MYO15B: variants seen among roughly 807,000 people sequenced by gnomAD.
The protein encoded by MYO15B is myosin XVB, also known as myosin XVB pseudogene.
In MYO15B, 207 loss-of-function variants were observed where a neutral mutation model predicts 119.3. That is an observed-to-expected ratio of 1.73 (90% CI 1.55 to 1.95). The LOEUF (loss-of-function observed/expected upper bound fraction) is 1.95. MYO15B is among the 30% of genes most tolerant of loss of function. MYO15B has a pLI of 0.00. For missense variants in MYO15B, 2,264 were observed against 1,203.1 expected (o/e 1.88, Z -13.04); for synonymous variants, 966 against 498.9 (o/e 1.94, Z -12.48).
At chr17:75,597,668 T>TAATCCCAGA (rs1198515561) in intron 14 of MYO15B, among the ~76,000 whole-genome samples, 3 of 152,204 alleles carry the variant, frequency 2.0e-5, no homozygotes, top group African/African-American at 7.2e-5. Flanking sequence ...CTCACGCCTG[T>TAATCCCAGA]AATCCCAGAA....
intron 12 of MYO15B, 133 bp from the exon 13 acceptor site, chr17:75,596,327 C>T: frequency 1.6e-6 from 1 of 622,268 alleles, no homozygotes; most frequent in East Asian, 2.7e-5. Context: ...ATCCTTTAGA[C>T]TTGACCCTGT....
chr17:75,600,604 A>C (rs2057205214), intron 14 of MYO15B: 1 of 32,488 alleles, frequency 3.1e-5, no homozygotes, highest in African/African-American at 6.9e-5. Context: ...TTTTTTTTTG[A>C]GACGGAGTTT....
intron 21 of MYO15B, among the ~76,000 whole-genome samples, chr17:75,606,408 G>A (rs1661701): frequency 0.1 from 15,393 of 151,326 alleles, 1,894 homozygotes; most frequent in African/African-American, 0.3. Context: ...TCTGCCCCCT[G>A]GGTTCAAGTG....
Position 75,591,023 on chromosome 17 carries a change from G to C in MYO15B, c.2360+7G>C. ...AGGCCCTCAGCACCACTCCGTATGTGACTCTGCCCCACTGACCCTCTGCTC... is the reference window on the plus strand; with the variant it reads ...AGGCCCTCAGCACCACTCCGTATGTCACTCTGCCCCACTGACCCTCTGCTC... On this transcript the variant is annotated splice_region_variant and intron_variant, in intron 3 of 63. Transcript: ENST00000645453. 3.1e-6 allele frequency: 2 copies of C among 635,832 alleles called. No individual in the cohort carries two copies. Among genetic ancestry groups the C allele is most frequent in the South Asian group, 3.6e-5 (2 of 55,818 alleles). 39.4% of individuals were successfully genotyped at this position (635,832 alleles called of 1,614,324 possible). A position where few individuals can be genotyped will look rare whatever the true frequency, so the allele number is the denominator to read the frequency against.
intron 14 of MYO15B, among the ~76,000 whole-genome samples, chr17:75,598,385 TG>T (rs2057010930): frequency 6.6e-6 from 1 of 151,952 alleles, no homozygotes; most frequent in African/African-American, 2.4e-5. Flanking sequence ...GAGACCATCC[TG>T]GCTAACATGG....
rs367873429 is a variant in MYO15B, at chr17:75,617,251, C to T, written c.6761C>T (p.Ala2254Val). The T allele has an allele frequency of 8.8e-5, 61 of 691,030 alleles. 1 individual carries two copies. Among genetic ancestry groups the T allele is most frequent in the African/African-American group, 3.4e-4 (19 of 56,634 alleles). 42.8% of individuals were successfully genotyped at this position (691,030 alleles called of 1,614,324 possible). A position where few individuals can be genotyped will look rare whatever the true frequency, so the allele number is the denominator to read the frequency against. ...GCCCACACACCCCCACCTCCACCAG[C>T]GCCACCACTGCCTCTGCCCGAGGAC... Residue 2254 changes from alanine to valine, a missense_variant, in exon 41 of 64, where the codon GCG becomes GTG. Ala to Val is a moderately conservative substitution (Grantham distance 64). Coordinates refer to ENST00000645453, the Ensembl canonical transcript of MYO15B.
Position 75,610,182 on chromosome 17 carries a change from C to T in MYO15B, c.4309C>T (p.Arg1437Trp), listed in dbSNP as rs147793558. 552 of 700,766 alleles carry T rather than the reference C, an allele frequency of 7.9e-4. 5 individuals carry two copies. The African/African-American group carries it at 8.5e-3, about 11-fold the overall frequency. The allele number at this position is 700,766 out of a possible 1,614,324, so 43.4% of individuals were successfully genotyped here. The change falls in exon 22 of 64, where the codon CGG (arginine) becomes TGG (tryptophan). Residue 1437 changes from arginine to tryptophan, a missense_variant. By Grantham distance (101) the Arg-to-Trp change is moderately radical. Coordinates refer to ENST00000645453, the Ensembl canonical transcript of MYO15B. The stretch of plus-strand genomic sequence containing the variant: ...GGCCTCCAGGAAGCGGTACCTCCGG[C>T]GGCGGGCAGCTTTGGGACAGCTGAA...
At position 75,621,999 on chromosome 17, in the gene MYO15B, T is replaced by C; in HGVS notation, c.8006-5T>C. Reference sequence around the variant, plus strand: ...TATGTGCCCTGTTTCTTATCGTGCCTGCAGCCCTGATGCGGTTTATGGGTG... The same window carrying C: ...TATGTGCCCTGTTTCTTATCGTGCCCGCAGCCCTGATGCGGTTTATGGGTG... On this transcript the variant is annotated splice_polypyrimidine_tract_variant and splice_region_variant and intron_variant, in intron 52 of 63. Transcript: ENST00000645453. The C allele has an allele frequency of 1.4e-6, 1 of 702,966 alleles. No individual in the cohort carries two copies. The highest frequency in any genetic ancestry group is 2.6e-6 in the Non-Finnish European group (1 of 384,994). The allele number at this position is 702,966 out of a possible 1,614,324, so 43.5% of individuals were successfully genotyped here.
At chr17:75,623,967 C>T (rs2058860995) in exon 55 of MYO15B, 7 of 702,906 alleles carry the variant, frequency 1.0e-5, no homozygotes, top group South Asian at 7.4e-5. Flanking sequence ...GCACTCGAGG[C>T]TGGAGCTTCC....
intron 29 of MYO15B, 65 bp downstream of exon 29, chr17:75,613,842 C>T (rs542947189): frequency 1.4e-4 from 89 of 638,314 alleles, no homozygotes; most frequent in African/African-American, 1.3e-3. Context: ...CCTCCTCCTT[C>T]TCCAAGCCCA....
chr17:75,593,992 A>C (rs2056665389), intron 9 of MYO15B, among the ~76,000 whole-genome samples: 1 of 148,142 alleles, frequency 6.8e-6, no homozygotes, highest in Admixed American at 6.8e-5. Flanking sequence ...GGGGAGGCTG[A>C]GGTGGAAGAA....
intron 21 of MYO15B, among the ~76,000 whole-genome samples, chr17:75,609,791 C>T (rs559168132): frequency 4.3e-4 from 63 of 145,644 alleles, no homozygotes; most frequent in African/African-American, 1.5e-3. Context: ...CTTGAATCTC[C>T]ACCTCCCAGG....
chr17:75,624,426 G>A (rs1390148328), exon 57 of MYO15B: 2 of 702,670 alleles, frequency 2.8e-6, no homozygotes, highest in Non-Finnish European at 5.2e-6. Context: ...TGGATTATAG[G>A]ACGAATATCC....
At position 75,598,314 on chromosome 17, in the gene MYO15B, C is replaced by A. The variant is rs532550033; in HGVS notation, c.3525+1415C>A. Among the ~76,000 whole-genome samples, 11 of 150,992 alleles carry A rather than the reference C, an allele frequency of 7.3e-5. No homozygotes were observed. The South Asian group carries it at 2.3e-3, about 32-fold the overall frequency. The stretch of plus-strand genomic sequence containing the variant: ...AGAAAATGGGCCAGGCGCGGTGGCT[C>A]ACGCCTGTAATCCCAGCACTTTGGG... On this transcript the variant is annotated intron_variant, in intron 14 of 63. Coordinates refer to ENST00000645453, the Ensembl canonical transcript of MYO15B.
intron 20 of MYO15B, 96 bp downstream of exon 20, chr17:75,605,717 C>T: frequency 1.5e-6 from 1 of 676,662 alleles, no homozygotes; most frequent in Non-Finnish European, 2.7e-6. Flanking sequence ...TTTGGGGATC[C>T]ATCCAAGTGG....
rs2056257561 is a variant in MYO15B, at chr17:75,589,209, G to C, written c.1152G>C (p.Leu384=). The C allele has an allele frequency of 3.0e-6, 1 of 331,018 alleles. No homozygotes were observed. Among genetic ancestry groups the C allele is most frequent in the African/African-American group, 2.8e-5 (1 of 36,146 alleles). 20.5% of individuals were successfully genotyped at this position (331,018 alleles called of 1,614,324 possible). A position where few individuals can be genotyped will look rare whatever the true frequency, so the allele number is the denominator to read the frequency against. ...TCCTGCGCTGGCTGCGGCGGCGGCT[G>C]CGGCTGCGGCGGCGGCCGCCAGAGG... The change falls in exon 1 of 64, where the codon CTG becomes CTC. Residue 384 remains leucine, a synonymous_variant. Transcript: ENST00000645453. This position sits in a 1 kb window ranked among gnomAD's most constrained non-coding sequence, Gnocchi z 4.2.
intron 9 of MYO15B, among the ~76,000 whole-genome samples, chr17:75,593,197 T>TAAAA (rs5822094): frequency 8.1e-5 from 6 of 74,226 alleles, no homozygotes; most frequent in Admixed American, 2.1e-4. Flanking sequence ...CCGTCTCTAT[T>TAAAA]AAAAAAAAAA....
intron 7 of MYO15B, 34 bp from the exon 8 acceptor site, chr17:75,592,394 G>A: frequency 3.0e-6 from 2 of 677,152 alleles, no homozygotes; most frequent in South Asian, 3.1e-5. Flanking sequence ...AAGCCCCTAG[G>A]GCACTGAGCC....
chr17:75,605,785 G>GA (rs1326506578), intron 20 of MYO15B, 79 bp from the exon 21 acceptor site: 1 of 647,514 alleles, frequency 1.5e-6, no homozygotes, highest in African/African-American at 1.8e-5. Context: ...GGCTGGAAGG[G>GA]AGGAGGCTGA....
Sources: gnomAD v4.1 joint callset for allele counts (sites outside exome capture counted in the v4.1 genomes callset) on GRCh38, gnomAD v4.1.1 for gene constraint, Gnocchi (gnomAD v3.1) non-coding constraint, MANE v1.5 for transcripts, NCBI Gene and HGNC (gene_info 2026-07-23, HGNC 2026-07-21) for gene names.